Variants in GNA11 observed in about 807,000 individuals in gnomAD.
GNA11 encodes guanine nucleotide-binding protein subunit alpha-11.
Under a neutral mutation model 38.2 loss-of-function variants are expected in GNA11, and 8 were observed. The ratio of observed to expected loss-of-function variants is 0.21; its 90% CI spans 0.12 to 0.38. The LOEUF is 0.38. GNA11 is among the 10% of genes least tolerant of loss of function. GNA11 has a pLI of 1.00. For synonymous variants in GNA11, 211 were observed against 221.4 expected (o/e 0.95, Z 0.42); for missense variants, 268 against 516.3 (o/e 0.52, Z 4.66).
chr19:3,108,809 A>G lies in GNA11; in HGVS notation c.137-1340A>G, dbSNP rs371593264. On this transcript the variant is annotated intron_variant, in intron 1 of 6. Transcript: ENST00000078429. The surrounding 1 kb of genome is among the most constrained non-coding windows in gnomAD (Gnocchi z 4.5). ...GTTGTAGTCAGGATACCAGCCAAGCAGGGGCCACATCATTTGAAGGCTGGA... is the reference window on the plus strand; with the variant it reads ...GTTGTAGTCAGGATACCAGCCAAGCGGGGGCCACATCATTTGAAGGCTGGA... Among the ~76,000 whole-genome samples the G allele has an allele frequency of 1.2e-4, 19 of 152,150 alleles. No individual in the cohort carries two copies. The highest frequency in any genetic ancestry group is 4.6e-4 in the African/African-American group (19 of 41,440).
intron 3 of GNA11, among the ~76,000 whole-genome samples, 191 bp from the exon 4 acceptor site, chr19:3,114,753 C>T (rs1913863730): frequency 6.6e-6 from 1 of 152,224 alleles, no homozygotes; most frequent in African/African-American, 2.4e-5. Context: ...GGTTGGGAGG[C>T]TCGTATCCCG....
Position 3,122,270 on chromosome 19 carries a change from C to T in GNA11, c.*1091C>T, listed in dbSNP as rs891313647. On this transcript the variant is annotated 3_prime_UTR_variant, in exon 7 of 7. Coordinates refer to ENST00000078429, the MANE Select transcript of GNA11 (RefSeq NM_002067.5). The surrounding 1 kb of genome is among the most constrained non-coding windows in gnomAD (Gnocchi z 7.7). ...CGAGAGGCAGAGAGAGGGACGTGGC[C>T]GGCAGCTCTGTGCGTGGCCTTGTCC... The T allele has an allele frequency of 2.1e-5, 5 of 232,680 alleles. No homozygotes were observed. Among genetic ancestry groups the T allele is most frequent in the African/African-American group, 6.6e-5 (3 of 45,310 alleles). 14.4% of individuals were successfully genotyped at this position (232,680 alleles called of 1,614,324 possible).
At chr19:3,109,743 G>T (rs549508672) in intron 1 of GNA11, among the ~76,000 whole-genome samples, 10 of 152,332 alleles carry the variant, frequency 6.6e-5, no homozygotes, top group African/African-American at 2.4e-4. Flanking sequence ...CGCCACGTCT[G>T]TGTGCTGTCC....
intron 1 of GNA11, among the ~76,000 whole-genome samples, chr19:3,103,532 T>G (rs1864749950): frequency 3.2e-5 from 4 of 123,098 alleles, no homozygotes; most frequent in African/African-American, 1.2e-4. Flanking sequence ...TTTTTTTTTT[T>G]TTTTTTTTTT....
chr19:3,104,124 A>C (rs1447196598), intron 1 of GNA11, among the ~76,000 whole-genome samples: 3 of 152,256 alleles, frequency 2.0e-5, no homozygotes, highest in African/African-American at 4.8e-5. Context: ...CCGGCTTTGA[A>C]TCTTGAGCAT....
intron 1 of GNA11, among the ~76,000 whole-genome samples, chr19:3,106,737 T>C (rs983896772): frequency 2.0e-5 from 3 of 151,634 alleles, no homozygotes; most frequent in Non-Finnish European, 2.9e-5. Flanking sequence ...TGTGCTGATG[T>C]ACATGCATGC....
rs957759799 is a variant in GNA11, at chr19:3,094,846, C to T, written c.136+59C>T. 27 of 1,325,626 alleles carry T rather than the reference C, an allele frequency of 2.0e-5. No individual in the cohort carries two copies. Among genetic ancestry groups the T allele is most frequent in the Admixed American group, 2.9e-5 (1 of 34,896 alleles). The allele number at this position is 1,325,626 out of a possible 1,614,324, so 82.1% of individuals were successfully genotyped here. On this transcript the variant is annotated intron_variant, in intron 1 of 6. Transcript: ENST00000078429. The surrounding 1 kb of genome is among the most constrained non-coding windows in gnomAD (Gnocchi z 6.0). Reference sequence around the variant, plus strand: ...CCCTGCCCTGCCTGTGCCTGCCCTGCCTGTCCGGGTCGGGCCGGGACCCTC... The same window carrying T: ...CCCTGCCCTGCCTGTGCCTGCCCTGTCTGTCCGGGTCGGGCCGGGACCCTC...
At chr19:3,098,857 G>C (rs1475269742) in intron 1 of GNA11, among the ~76,000 whole-genome samples, 1 of 152,208 alleles carries the variant, frequency 6.6e-6, no homozygotes, top group Non-Finnish European at 1.5e-5. Flanking sequence ...AGGGAGACGT[G>C]GGGACTTGGT....
At chr19:3,100,818 C>T (rs1393852223) in intron 1 of GNA11, among the ~76,000 whole-genome samples, 1 of 152,180 alleles carries the variant, frequency 6.6e-6, no homozygotes, top group Non-Finnish European at 1.5e-5. Context: ...GGCTGTCCCT[C>T]CCCCTGTAGG....
intron 2 of GNA11, among the ~76,000 whole-genome samples, chr19:3,111,483 G>T (rs932208747): frequency 6.6e-6 from 1 of 152,212 alleles, no homozygotes; most frequent in Non-Finnish European, 1.5e-5. Flanking sequence ...CCACACAGTG[G>T]CCTGTGTCAG....
chr19:3,111,928 A>G (rs1308149909), intron 2 of GNA11, among the ~76,000 whole-genome samples: 1 of 152,192 alleles, frequency 6.6e-6, no homozygotes, highest in African/African-American at 2.4e-5. Flanking sequence ...TCCCGCTGTG[A>G]TCTCTTCCAG....
chr19:3,104,298 A>G (rs1913583363), intron 1 of GNA11, among the ~76,000 whole-genome samples: 1 of 151,976 alleles, frequency 6.6e-6, no homozygotes, highest in Non-Finnish European at 1.5e-5. Context: ...TCCAGTCGGG[A>G]GGGTGGTTTT....
rs1008435932 is a variant in GNA11, at chr19:3,123,294, G to A, written c.*2115G>A. 3.4e-5 allele frequency: 8 copies of A among 233,204 alleles called. No homozygotes were observed. Among genetic ancestry groups the A allele is most frequent in the Non-Finnish European group, 5.1e-5 (6 of 118,130 alleles). 14.4% of individuals were successfully genotyped at this position (233,204 alleles called of 1,614,324 possible). On this transcript the variant is annotated 3_prime_UTR_variant, in exon 7 of 7. Transcript: ENST00000078429. ...GGGGCGTGCCAAGCATCCCAGAGCCGGGCTGGGACCGCCAAAACGTCGTGG... is the reference window on the plus strand; with the variant it reads ...GGGGCGTGCCAAGCATCCCAGAGCCAGGCTGGGACCGCCAAAACGTCGTGG...
At chr19:3,100,594 C>T (rs528735415) in intron 1 of GNA11, among the ~76,000 whole-genome samples, 157 of 152,264 alleles carry the variant, frequency 1.0e-3, no homozygotes, top group African/African-American at 1.9e-3. Context: ...GGGGCAGGCT[C>T]GGTTGCCACC....
intron 4 of GNA11, 73 bp from the exon 5 acceptor site, chr19:3,118,851 G>A (rs1913990526): frequency 4.9e-6 from 7 of 1,432,852 alleles, no homozygotes; most frequent in South Asian, 3.6e-5. Context: ...GGGCTTGGGT[G>A]GGAGCCGTCC....
intron 4 of GNA11, 135 bp from the exon 5 acceptor site, chr19:3,118,788 TA>T: frequency 1.2e-6 from 1 of 808,688 alleles, no homozygotes; most frequent in Non-Finnish European, 2.0e-6. Flanking sequence ...TTGCCCGTTC[TA>T]AGAGTGGGGG....
intron 1 of GNA11, among the ~76,000 whole-genome samples, chr19:3,097,682 G>A (rs921793743): frequency 5.1e-4 from 78 of 152,352 alleles, no homozygotes; most frequent in Admixed American, 9.1e-4. Context: ...GGGACCTTAC[G>A]GAGCCCTAGA....
Position 3,115,725 on chromosome 19 carries a change from G to T in GNA11, c.605+653G>T, listed in dbSNP as rs570685357. Among the ~76,000 whole-genome samples the T allele has an allele frequency of 2.7e-5, 4 of 146,308 alleles. No homozygotes were observed. The East Asian group carries it at 8.4e-4, about 31-fold the overall frequency. On this transcript the variant is annotated intron_variant, in intron 4 of 6. Transcript: ENST00000078429. The stretch of plus-strand genomic sequence containing the variant: ...GGGACTGAGGCTGCCAGGGGAGGGG[G>T]CTCATGGGGACCGAGGCTGTGAGGG...
chr19:3,103,519 C>CG (rs1370578226), intron 1 of GNA11, among the ~76,000 whole-genome samples: 990 of 45,824 alleles, frequency 0.022, 90 homozygotes, highest in South Asian at 0.049. Flanking sequence ...GGCCTTGAAT[C>CG]TTTTTTTTTT....
Sources: gnomAD v4.1 joint callset for allele counts (sites outside exome capture counted in the v4.1 genomes callset) on GRCh38, gnomAD v4.1.1 for gene constraint, Gnocchi (gnomAD v3.1) non-coding constraint, MANE v1.5 for transcripts, NCBI Gene and HGNC (gene_info 2026-07-23, HGNC 2026-07-21) for gene names.